Variants in ADAMTSL1 observed in about 807,000 individuals in gnomAD.
The protein encoded by ADAMTSL1 is ADAMTS like 1.
ADAMTSL1 carries 126 observed loss-of-function variants against 201.8 expected under a neutral mutation model. The observed-to-expected ratio is 0.62, with a 90% CI of 0.54 to 0.72. The LOEUF is 0.72. Among genes scored for constraint, ADAMTSL1 ranks in the 30% least tolerant of loss-of-function variants. ADAMTSL1 has a pLI of 0.00. For missense variants in ADAMTSL1, 2,679 were observed against 2,277.8 expected (o/e 1.18, Z -3.59); for synonymous variants, 1,121 against 903.4 (o/e 1.24, Z -4.32).
chr9:18,520,466 A>G (rs868234648), intron 2 of ADAMTSL1, among the ~76,000 whole-genome samples: 1 of 152,230 alleles, frequency 6.6e-6, no homozygotes, highest in African/African-American at 2.4e-5. Flanking sequence ...GGTCACAAAA[A>G]TATGTTATCT....
At position 18,777,384 on chromosome 9, in the gene ADAMTSL1, C is replaced by T; in HGVS notation, c.3155C>T (p.Thr1052Met). Reference protein sequence around the residue: ...WEAQDSAERNTTSEEDPGAEQ... With the variant: ...WEAQDSAERNMTSEEDPGAEQ... ...GCGCAGGACTCTGCGGAAAGGAACA[C>T]GACCTCGGAGGAGGACCCGGGTGCA... Residue 1052 changes from threonine to methionine, a missense_variant, in exon 19 of 29, where the codon ACG (threonine) becomes ATG (methionine). By Grantham distance (81) the Thr-to-Met change is moderately conservative. Transcript: ENST00000380548. The T allele has an allele frequency of 6.2e-7, 1 of 1,603,022 alleles. No homozygotes were observed.
chr9:18,620,336 A>G (rs1825964308), intron 4 of ADAMTSL1, among the ~76,000 whole-genome samples: 1 of 152,034 alleles, frequency 6.6e-6, no homozygotes, highest in South Asian at 2.1e-4. Context: ...CTGCCACTAG[A>G]TTGTAAAGTC....
intron 1 of ADAMTSL1, among the ~76,000 whole-genome samples, chr9:18,042,197 C>G (rs1202109299): frequency 6.6e-6 from 1 of 151,440 alleles, no homozygotes; most frequent in Non-Finnish European, 1.5e-5. Flanking sequence ...AAGTGATGTA[C>G]AAATTATGAA....
intron 23 of ADAMTSL1, among the ~76,000 whole-genome samples, chr9:18,867,391 T>C (rs1009719170): frequency 1.3e-5 from 2 of 152,242 alleles, no homozygotes; most frequent in African/African-American, 4.8e-5. Context: ...AGGCAAAGTA[T>C]GTAAAAGCAA....
intron 1 of ADAMTSL1, among the ~76,000 whole-genome samples, chr9:17,936,938 G>A (rs557452713): frequency 4.1e-4 from 63 of 152,250 alleles, no homozygotes; most frequent in African/African-American, 1.5e-3. Context: ...TTGGGTTGTT[G>A]GAGGGGTTTC....
chr9:18,187,392 C>T (rs949242442), intron 2 of ADAMTSL1, among the ~76,000 whole-genome samples: 6 of 152,066 alleles, frequency 3.9e-5, no homozygotes, highest in African/African-American at 7.2e-5. Context: ...CCTGACCTGT[C>T]CATAGGTTCA....
chr9:18,557,825 C>T (rs942663820), intron 3 of ADAMTSL1, among the ~76,000 whole-genome samples: 11 of 152,042 alleles, frequency 7.2e-5, no homozygotes, highest in African/African-American at 2.7e-4. Flanking sequence ...ATCTATCAAT[C>T]TCACCCTTTC....
chr9:18,307,432 C>T (rs551451693), intron 2 of ADAMTSL1, among the ~76,000 whole-genome samples: 4 of 152,042 alleles, frequency 2.6e-5, no homozygotes, highest in Non-Finnish European at 5.9e-5. Context: ...CATCGGTGTG[C>T]CGTATTCAGG....
intron 3 of ADAMTSL1, among the ~76,000 whole-genome samples, chr9:18,541,482 A>T (rs1047984868): frequency 1.3e-5 from 2 of 151,676 alleles, no homozygotes; most frequent in East Asian, 3.9e-4. Flanking sequence ...TGCACTCCAG[A>T]CTGGGCAACA....
At chr9:18,393,466 A>G (rs980626038) in intron 2 of ADAMTSL1, among the ~76,000 whole-genome samples, 4 of 152,196 alleles carry the variant, frequency 2.6e-5, no homozygotes, top group Non-Finnish European at 5.9e-5. Flanking sequence ...CTCAGTTCTG[A>G]GAAAACAAGG....
In ADAMTSL1 at chr9:18,606,750, C is replaced by T. The variant is rs76628158; in HGVS notation, c.475-15493C>T. Among the ~76,000 whole-genome samples the T allele has an allele frequency of 2.0e-5, 3 of 152,272 alleles. No homozygotes were observed. The East Asian group carries it at 5.8e-4, about 29-fold the overall frequency. On this transcript the variant is annotated intron_variant, in intron 4 of 28. Coordinates refer to ENST00000380548, the MANE Select transcript of ADAMTSL1 (RefSeq NM_001040272.6). ...TGATCCACACACCGTACTTCATAAA[C>T]ACCACAATTCCTTCCCCCCCAGTTT...
rs72692494 is a variant in ADAMTSL1 at position 18,907,783 on chromosome 9, C to T, written c.5183-659C>T. The T allele has an allele frequency of 6.3e-3, 974 of 153,688 alleles. 8 individuals are homozygous for T. The highest frequency in any genetic ancestry group is 8.8e-3 in the Non-Finnish European group (609 of 69,062). 9.5% of individuals were successfully genotyped at this position (153,688 alleles called of 1,614,324 possible). A position where few individuals can be genotyped will look rare whatever the true frequency, so the allele number is the denominator to read the frequency against. On this transcript the variant is annotated intron_variant, in intron 28 of 28. Transcript: ENST00000380548. ...ATGCTCAGAGAGCGCCAATATTCAACGCACATAGTTAAAACTTACCAAACC... is the reference window on the plus strand; with the variant it reads ...ATGCTCAGAGAGCGCCAATATTCAATGCACATAGTTAAAACTTACCAAACC...
intron 19 of ADAMTSL1, among the ~76,000 whole-genome samples, chr9:18,791,518 G>C (rs1227175360): frequency 1.3e-5 from 2 of 151,714 alleles, no homozygotes; most frequent in Non-Finnish European, 2.9e-5. Flanking sequence ...GGGATTATAG[G>C]GTGGAAAAAA....
At chr9:18,790,548 G>A (rs1265191751) in intron 19 of ADAMTSL1, among the ~76,000 whole-genome samples, 23 of 152,170 alleles carry the variant, frequency 1.5e-4, no homozygotes. Context: ...AAATGCAGAG[G>A]AGATGATTTA....
At chr9:18,587,911 G>A (rs1033233648) in intron 4 of ADAMTSL1, among the ~76,000 whole-genome samples, 6 of 152,100 alleles carry the variant, frequency 3.9e-5, no homozygotes, top group African/African-American at 1.4e-4. Context: ...ATCTTGACTT[G>A]TGAATAGTGC....
At chr9:18,573,965 C>T in intron 3 of ADAMTSL1, 65 bp from the exon 4 acceptor site, 1 of 1,338,150 alleles carries the variant, frequency 7.5e-7, no homozygotes, top group Non-Finnish European at 1.0e-6. Flanking sequence ...CATATAGCTG[C>T]TCTGGTTTCA....
intron 7 of ADAMTSL1, among the ~76,000 whole-genome samples, chr9:18,654,527 G>T (rs1399308933): frequency 6.6e-6 from 1 of 152,168 alleles, no homozygotes; most frequent in Non-Finnish European, 1.5e-5. Flanking sequence ...TGATGAGCAG[G>T]ATAAATGTAC....
intron 1 of ADAMTSL1, among the ~76,000 whole-genome samples, chr9:17,940,712 CAAAAAA>C (rs60466124): frequency 1.1e-5 from 1 of 88,682 alleles, no homozygotes; most frequent in African/African-American, 4.4e-5. Context: ...GCATAACGTG[CAAAAAA>C]AAAAAAAAAG....
intron 19 of ADAMTSL1, among the ~76,000 whole-genome samples, chr9:18,795,105 T>C (rs1345019887): frequency 6.6e-6 from 1 of 152,244 alleles, no homozygotes; most frequent in Non-Finnish European, 1.5e-5. Flanking sequence ...GTGTGTGTTA[T>C]ATGTATTTGG....
Sources: allele counts gnomAD v4.1 joint callset (sites outside exome capture counted in the v4.1 genomes callset), GRCh38; gene constraint gnomAD v4.1.1; transcripts MANE v1.5; gene names NCBI Gene and HGNC (gene_info 2026-07-23, HGNC 2026-07-21).